STPG2: variants seen among roughly 807,000 people sequenced by gnomAD.
STPG2 encodes the protein sperm-tail PG-rich repeat-containing protein 2.
STPG2 carries 56 observed loss-of-function variants against 54.2 expected under a neutral mutation model. The observed-to-expected ratio is 1.03, with a 90% CI of 0.83 to 1.29. The LOEUF is 1.29. Among genes scored for constraint, STPG2 ranks in the 50% most tolerant of loss-of-function variants. STPG2 has a pLI of 0.00. For synonymous variants in STPG2, 200 were observed against 181.8 expected (o/e 1.10, Z -0.81); for missense variants, 596 against 544.9 (o/e 1.09, Z -0.93).
intron 4 of STPG2, among the ~76,000 whole-genome samples, chr4:97,456,412 C>T (rs961160606): frequency 6.6e-6 from 1 of 152,072 alleles, no homozygotes; most frequent in Admixed American, 6.5e-5. Context: ...ATCATGAGAA[C>T]AGCAAGGAGG....
chr4:98,080,572 C>G (rs1738313384), intron 5 of STPG2, among the ~76,000 whole-genome samples: 1 of 152,152 alleles, frequency 6.6e-6, no homozygotes, highest in Non-Finnish European at 1.5e-5. Context: ...TACATACATA[C>G]ACACATATAT....
intron 10 of STPG2, among the ~76,000 whole-genome samples, chr4:97,648,389 T>A (rs1392182722): frequency 6.6e-6 from 1 of 152,144 alleles, no homozygotes; most frequent in Admixed American, 6.6e-5. Flanking sequence ...GCTCAACAGA[T>A]ATTTGCTGAA....
chr4:97,721,304 G>A (rs1724440876), intron 9 of STPG2, among the ~76,000 whole-genome samples: 1 of 151,960 alleles, frequency 6.6e-6, no homozygotes, highest in Non-Finnish European at 1.5e-5. Flanking sequence ...ACATATTAAT[G>A]GACATCATAT....
chr4:97,610,932 G>C (rs763210978), intron 10 of STPG2, among the ~76,000 whole-genome samples: 19 of 151,870 alleles, frequency 1.3e-4, no homozygotes, highest in Non-Finnish European at 2.6e-4. Flanking sequence ...GTAAATTTTA[G>C]AAAACACATA....
At chr4:97,789,418 TAA>T (rs1310065451) in intron 9 of STPG2, among the ~76,000 whole-genome samples, 1 of 151,996 alleles carries the variant, frequency 6.6e-6, no homozygotes, top group African/African-American at 2.4e-5. Flanking sequence ...AAGCCAAACA[TAA>T]AAAAGTTAAG....
chr4:97,494,367 T>C (rs1050033068), intron 4 of STPG2, among the ~76,000 whole-genome samples: 2 of 151,424 alleles, frequency 1.3e-5, no homozygotes, highest in African/African-American at 4.8e-5. Flanking sequence ...AAAGAAGCAA[T>C]CCAGGGGAGC....
At chr4:97,828,766 C>A (rs536071635) in intron 9 of STPG2, among the ~76,000 whole-genome samples, 6 of 152,100 alleles carry the variant, frequency 3.9e-5, no homozygotes, top group Non-Finnish European at 8.8e-5. Flanking sequence ...ACAGTGTAAA[C>A]GAAGTTCGAA....
chr4:97,906,192 C>T (rs1048650316), intron 8 of STPG2, among the ~76,000 whole-genome samples: 21 of 152,134 alleles, frequency 1.4e-4, no homozygotes, highest in Admixed American at 4.6e-4. Context: ...ATATCACCAC[C>T]GATCCCACAG....
At chr4:97,656,723 G>A (rs1057035822) in intron 10 of STPG2, among the ~76,000 whole-genome samples, 1 of 150,356 alleles carries the variant, frequency 6.7e-6, no homozygotes, top group Admixed American at 6.7e-5. Flanking sequence ...TCGAATACTA[G>A]TATTGTGCAT....
At chr4:97,511,159 G>C (rs139807849) in intron 4 of STPG2, among the ~76,000 whole-genome samples, 84 of 152,008 alleles carry the variant, frequency 5.5e-4, no homozygotes, top group African/African-American at 1.9e-3. Flanking sequence ...AATCAAAACA[G>C]AGACACTATC....
chr4:97,952,505 A>C (rs1733510982), intron 7 of STPG2, among the ~76,000 whole-genome samples: 2 of 152,172 alleles, frequency 1.3e-5, no homozygotes, highest in Admixed American at 6.5e-5. Flanking sequence ...TAGGACCAGG[A>C]GTCCCTGAGA....
intron 10 of STPG2, among the ~76,000 whole-genome samples, chr4:97,691,971 G>A (rs1270075226): frequency 6.6e-6 from 1 of 152,080 alleles, no homozygotes; most frequent in African/African-American, 2.4e-5. Flanking sequence ...CCCATCCCTG[G>A]GGAAAGGAAA....
At chr4:97,888,219 A>G (rs1474160600) in intron 8 of STPG2, among the ~76,000 whole-genome samples, 1 of 152,124 alleles carries the variant, frequency 6.6e-6, no homozygotes, top group Admixed American at 6.6e-5. Flanking sequence ...TGCTTAGGCG[A>G]GCTGTGATAA....
At chr4:97,763,013 C>T (rs941517494) in intron 9 of STPG2, among the ~76,000 whole-genome samples, 1 of 152,018 alleles carries the variant, frequency 6.6e-6, no homozygotes, top group East Asian at 1.9e-4. Flanking sequence ...CCCATTGTTG[C>T]CGTAACAAAC....
At chr4:97,608,657 T>G (rs1473453732) in intron 10 of STPG2, among the ~76,000 whole-genome samples, 1 of 152,050 alleles carries the variant, frequency 6.6e-6, no homozygotes, top group Non-Finnish European at 1.5e-5. Context: ...AGGAGTCTGT[T>G]TTTCAGAAAA....
At chr4:97,928,443 A>G (rs1025251122) in intron 8 of STPG2, among the ~76,000 whole-genome samples, 2 of 152,214 alleles carry the variant, frequency 1.3e-5, no homozygotes, top group South Asian at 2.1e-4. Flanking sequence ...CCAAATGCAT[A>G]TTAAATCATT....
At chr4:97,867,358 T>C (rs1202801835) in intron 8 of STPG2, among the ~76,000 whole-genome samples, 1 of 151,946 alleles carries the variant, frequency 6.6e-6, no homozygotes, top group African/African-American at 2.4e-5. Flanking sequence ...TTCATTTATA[T>C]TGGAAAAATG....
At chr4:97,784,796 T>C (rs1726773307) in intron 9 of STPG2, among the ~76,000 whole-genome samples, 4 of 152,074 alleles carry the variant, frequency 2.6e-5, no homozygotes, top group Admixed American at 2.0e-4. Flanking sequence ...TAAAGAGAAC[T>C]ATATAATGAG....
chr4:97,964,675 C>T (rs911288386), intron 7 of STPG2, among the ~76,000 whole-genome samples: 8 of 152,100 alleles, frequency 5.3e-5, no homozygotes. Context: ...AGTTATATAA[C>T]AATTCTTACC....
Sources: allele counts gnomAD v4.1 joint callset (sites outside exome capture counted in the v4.1 genomes callset), GRCh38; gene constraint gnomAD v4.1.1; transcripts MANE v1.5; gene names NCBI Gene and HGNC (gene_info 2026-07-23, HGNC 2026-07-21).